The following SCARA5 variants were observed in gnomAD, a reference collection of about 807,000 sequenced individuals.
SCARA5 encodes scavenger receptor class A member 5.
Under a neutral mutation model 46.3 loss-of-function variants are expected in SCARA5, and 45 were observed. The ratio of observed to expected loss-of-function variants is 0.97; its 90% CI spans 0.76 to 1.24. The LOEUF is 1.24. Ranked by LOEUF, SCARA5 falls within the 50% of genes most tolerant of loss-of-function variation. The probability of loss-of-function intolerance (pLI) is 0.00; values close to 1 mark genes in which losing one functional copy is unlikely to be tolerated. For synonymous variants in SCARA5, 333 were observed against 306.5 expected (o/e 1.09, Z -0.90); for missense variants, 680 against 689.0 (o/e 0.99, Z 0.15).
intron 2 of SCARA5, among the ~76,000 whole-genome samples, chr8:27,975,257 G>A (rs1808505713): frequency 6.6e-6 from 1 of 152,180 alleles, no homozygotes; most frequent in African/African-American, 2.4e-5. Flanking sequence ...GGGAAGGCAT[G>A]GAAGGTCTGC....
intron 3 of SCARA5, among the ~76,000 whole-genome samples, chr8:27,951,992 C>T (rs571533178): frequency 6.6e-6 from 1 of 152,152 alleles, no homozygotes; most frequent in South Asian, 2.1e-4. Flanking sequence ...CCACCCAGAA[C>T]CTATTTGGAA....
rs1807393035 is a variant in SCARA5 at position 27,912,443 on chromosome 8, G to T, written c.917-2700C>A. ...AATACAGATGATTTAAGAAGGACTAGATTTTGTGATCCCAGTTTTCAGACC... is the reference window on the plus strand; with the variant it reads ...AATACAGATGATTTAAGAAGGACTATATTTTGTGATCCCAGTTTTCAGACC... On this transcript the variant is annotated intron_variant, in intron 4 of 8. Coordinates refer to ENST00000354914, the MANE Select transcript of SCARA5 (RefSeq NM_173833.6). Among the ~76,000 whole-genome samples, 5 of 152,210 alleles carry T rather than the reference G, an allele frequency of 3.3e-5. No homozygotes were observed. In the South Asian group the frequency reaches 1.0e-3, roughly 32 times the overall value.
intron 2 of SCARA5, among the ~76,000 whole-genome samples, chr8:27,975,306 C>G (rs973793336): frequency 1.3e-5 from 2 of 151,746 alleles, no homozygotes; most frequent in African/African-American, 4.9e-5. Context: ...CCTCTTCCCT[C>G]TGTTATTCAT....
intron 3 of SCARA5, among the ~76,000 whole-genome samples, chr8:27,943,564 G>C (rs550361754): frequency 6.6e-6 from 1 of 152,370 alleles, no homozygotes; most frequent in South Asian, 2.1e-4. Flanking sequence ...AGCCTAAGCT[G>C]TGGTGCTTGC....
chr8:27,928,575 C>G (rs1353806620), intron 3 of SCARA5, among the ~76,000 whole-genome samples: 2 of 152,204 alleles, frequency 1.3e-5, no homozygotes, highest in African/African-American at 4.8e-5. Flanking sequence ...TCCAGAGTCC[C>G]CAGCTCTTGC....
At chr8:27,979,367 C>A (rs1465205909) in intron 2 of SCARA5, among the ~76,000 whole-genome samples, 1 of 152,128 alleles carries the variant, frequency 6.6e-6, no homozygotes, top group East Asian at 1.9e-4. Flanking sequence ...GTCTATGTAT[C>A]CATTTGGAAG....
intron 3 of SCARA5, among the ~76,000 whole-genome samples, chr8:27,939,749 T>C (rs1185921722): frequency 6.6e-6 from 1 of 152,148 alleles, no homozygotes; most frequent in Non-Finnish European, 1.5e-5. Flanking sequence ...GGACTGCATG[T>C]ATTATGTTTC....
rs551665114 is a variant in SCARA5 at position 27,981,081 on chromosome 8, G to A, written c.112+6423C>T. On this transcript the variant is annotated intron_variant, in intron 2 of 8. Transcript: ENST00000354914. ...AGGGAGGGAAATAAATGTGGATCGA[G>A]GGGCTACTGTGTGCAAGGCGCTTTA... 2.0e-5 allele frequency among the ~76,000 whole-genome samples: 3 copies of A among 152,280 alleles called. No homozygotes were observed. The East Asian group carries it at 5.8e-4, about 29-fold the overall frequency.
intron 3 of SCARA5, among the ~76,000 whole-genome samples, chr8:27,960,458 G>A (rs952802868): frequency 6.6e-6 from 1 of 152,196 alleles, no homozygotes; most frequent in African/African-American, 2.4e-5. Context: ...TTACAGGCAT[G>A]AGCCACTGTC....
At chr8:27,880,000 A>T (rs979746413) in intron 7 of SCARA5, among the ~76,000 whole-genome samples, 8 of 152,260 alleles carry the variant, frequency 5.3e-5, no homozygotes, top group Admixed American at 3.3e-4. Flanking sequence ...AAACAGACAC[A>T]GAGACCAATG....
chr8:27,904,747 A>G (rs1450330553), intron 7 of SCARA5, 31 bp downstream of exon 7: 2 of 1,598,512 alleles, frequency 1.3e-6, no homozygotes, highest in Non-Finnish European at 1.7e-6. Flanking sequence ...TGCCAACACC[A>G]TATCCCACGG....
intron 2 of SCARA5, among the ~76,000 whole-genome samples, chr8:27,976,451 G>A (rs1320854778): frequency 6.6e-6 from 1 of 152,076 alleles, no homozygotes; most frequent in Non-Finnish European, 1.5e-5. Flanking sequence ...ATGACAATAA[G>A]TCCCTTAAAG....
At chr8:27,973,937 C>T (rs1808483507) in intron 2 of SCARA5, among the ~76,000 whole-genome samples, 2 of 152,278 alleles carry the variant, frequency 1.3e-5, no homozygotes, top group South Asian at 4.1e-4. Flanking sequence ...CCTCCTAAAA[C>T]CGGGAGCAAG....
At chr8:27,951,010 C>T (rs1385403216) in intron 3 of SCARA5, among the ~76,000 whole-genome samples, 1 of 152,160 alleles carries the variant, frequency 6.6e-6, no homozygotes, top group Non-Finnish European at 1.5e-5. Context: ...TACATCATCT[C>T]ATCTAAGGGT....
intron 8 of SCARA5, among the ~76,000 whole-genome samples, chr8:27,878,747 A>G (rs1405396336): frequency 6.6e-6 from 1 of 152,132 alleles, no homozygotes; most frequent in African/African-American, 2.4e-5. Flanking sequence ...TAGCTGTGTG[A>G]CCTTGGGCAA....
chr8:27,913,742 G>A (rs1807415903), intron 4 of SCARA5, among the ~76,000 whole-genome samples: 1 of 152,194 alleles, frequency 6.6e-6, no homozygotes, highest in South Asian at 2.1e-4. Flanking sequence ...GGGACTCAGA[G>A]CACGGGAAGG....
intron 3 of SCARA5, among the ~76,000 whole-genome samples, chr8:27,954,042 G>A (rs546616672): frequency 3.9e-5 from 6 of 152,176 alleles, no homozygotes; most frequent in East Asian, 1.9e-4. Context: ...CTGGGCCTCC[G>A]TCCCATTTAC....
At chr8:27,920,666 G>A (rs1422187676) in intron 4 of SCARA5, among the ~76,000 whole-genome samples, 1 of 149,682 alleles carries the variant, frequency 6.7e-6, no homozygotes, top group South Asian at 2.1e-4. Context: ...AAAAAATGTA[G>A]TGGGGCATGG....
At chr8:27,937,468 G>A (rs1189180115) in intron 3 of SCARA5, among the ~76,000 whole-genome samples, 1 of 152,136 alleles carries the variant, frequency 6.6e-6, no homozygotes, top group Non-Finnish European at 1.5e-5. Context: ...CCACAGTGGG[G>A]ACCAACTCCA....
Sources: gnomAD v4.1 joint callset for allele counts (sites outside exome capture counted in the v4.1 genomes callset) on GRCh38, gnomAD v4.1.1 for gene constraint, MANE v1.5 for transcripts, NCBI Gene and HGNC (gene_info 2026-07-23, HGNC 2026-07-21) for gene names.